Variants in XIAP observed in about 807,000 individuals in gnomAD.
XIAP encodes E3 ubiquitin-protein ligase XIAP.
XIAP carries 3 observed loss-of-function variants against 33.1 expected under a neutral mutation model. The observed-to-expected ratio is 0.09, with a 90% CI of 0.04 to 0.23. XIAP has a LOEUF of 0.23. Ranked by LOEUF, XIAP falls within the 10% of genes least tolerant of loss-of-function variation. XIAP has a pLI of 1.00. For synonymous variants in XIAP, 98 were observed against 121.3 expected (o/e 0.81, Z 1.26); for missense variants, 264 against 363.0 (o/e 0.73, Z 2.22).
At chrX:123,880,211 A>G (rs1347769904) in intron 1 of XIAP, among the ~76,000 whole-genome samples, 12 of 108,919 alleles carry the variant, frequency 1.1e-4, no homozygotes, top group Non-Finnish European at 2.1e-4. Context: ...TCAGGAGTTC[A>G]AGACCAGCCT....
intron 1 of XIAP, among the ~76,000 whole-genome samples, chrX:123,868,722 A>G (rs907824346): frequency 1.1e-4 from 12 of 111,455 alleles, no homozygotes; most frequent in Non-Finnish European, 1.9e-4. Context: ...ACAGAGCAAG[A>G]CCCTATCTCA....
chrX:123,887,807 A>T (rs1049708098), intron 2 of XIAP, among the ~76,000 whole-genome samples: 6 of 109,495 alleles, frequency 5.5e-5, no homozygotes, highest in Non-Finnish European at 1.1e-4. Context: ...AACATGGTGA[A>T]ACCCCGTCTC....
intron 5 of XIAP, among the ~76,000 whole-genome samples, chrX:123,893,875 C>A (rs886698731): frequency 8.9e-6 from 1 of 112,320 alleles, no homozygotes; most frequent in Admixed American, 9.5e-5. Context: ...ATCAGTCAGA[C>A]GTGTCTGTAT....
chrX:123,895,605 T>C (rs2053452057), intron 5 of XIAP, among the ~76,000 whole-genome samples: 1 of 112,033 alleles, frequency 8.9e-6, no homozygotes, highest in Admixed American at 9.6e-5. Flanking sequence ...ACATTCATTA[T>C]CTGTCTTATT....
rs376333137 is a variant in XIAP at position 123,911,959 on chromosome X, A to T, written c.*4778A>T. The T allele has an allele frequency of 1.0e-4, 34 of 326,881 alleles. No homozygotes were observed. Among genetic ancestry groups the T allele is most frequent in the African/African-American group, 7.2e-4 (27 of 37,410 alleles). The allele number at this position is 326,881 out of a possible 1,213,427, so 26.9% of individuals were successfully genotyped here. A position where few individuals can be genotyped will look rare whatever the true frequency, so the allele number is the denominator to read the frequency against. On this transcript the variant is annotated 3_prime_UTR_variant, in exon 7 of 7. Transcript: ENST00000371199. Reference sequence around the variant, plus strand: ...CAAAGGTGATGTAATTTGTGCAAAGATTATAGCTAATTAGTAGCAGAGCCC... The same window carrying T: ...CAAAGGTGATGTAATTTGTGCAAAGTTTATAGCTAATTAGTAGCAGAGCCC...
chrX:123,862,365 G>A lies in XIAP; in HGVS notation c.-33+2072G>A, dbSNP rs2053088721. Among the ~76,000 whole-genome samples, 4 of 105,791 alleles carry A rather than the reference G, an allele frequency of 3.8e-5. No homozygotes were observed. In the South Asian group the frequency reaches 1.3e-3, roughly 34 times the overall value. 91.9% of individuals were successfully genotyped at this position (105,791 alleles called of 115,157 possible). A position where few individuals can be genotyped will look rare whatever the true frequency, so the allele number is the denominator to read the frequency against. ...ATTAAAGGTATGAGCCACCTCGCCTGGCCAGTCCATTTTTTTTTTTTTTGA... is the reference window on the plus strand; with the variant it reads ...ATTAAAGGTATGAGCCACCTCGCCTAGCCAGTCCATTTTTTTTTTTTTTGA... On this transcript the variant is annotated intron_variant, in intron 1 of 6. Transcript: ENST00000371199.
intron 1 of XIAP, among the ~76,000 whole-genome samples, chrX:123,870,229 TG>T (rs1391770069): frequency 8.8e-6 from 1 of 113,005 alleles, no homozygotes; most frequent in African/African-American, 3.2e-5. Flanking sequence ...CCCAAAGTGC[TG>T]GGATTACAGG....
At position 123,890,166 on chromosome X, in the gene XIAP, G is replaced by A. The variant is rs760477261; in HGVS notation, c.978-1072G>A. On this transcript the variant is annotated intron_variant, in intron 3 of 6. Transcript: ENST00000371199. ...CGAGTAGCTGGGACTACAGGCGCCC[G>A]CTACCACGCCCGGCTAATTTTTTGT... 7.9e-5 allele frequency among the ~76,000 whole-genome samples: 8 copies of A among 101,280 alleles called. No individual in the cohort carries two copies. The East Asian group carries it at 2.6e-3, about 32-fold the overall frequency. The allele number at this position is 101,280 out of a possible 115,157, so 87.9% of individuals were successfully genotyped here. A position where few individuals can be genotyped will look rare whatever the true frequency, so the allele number is the denominator to read the frequency against.
chrX:123,901,022 A>T (rs1261580509), intron 6 of XIAP, among the ~76,000 whole-genome samples: 1 of 111,556 alleles, frequency 9.0e-6, no homozygotes, highest in African/African-American at 3.3e-5. Flanking sequence ...ATGGGACAAG[A>T]TGGAGCAAGT....
rs1200917454 is a variant in XIAP at position 123,862,605 on chromosome X, A to G, written c.-33+2312A>G. Among the ~76,000 whole-genome samples, 4 of 98,274 alleles carry G rather than the reference A, an allele frequency of 4.1e-5. No individual in the cohort carries two copies. In the East Asian group the frequency reaches 1.2e-3, roughly 30 times the overall value. The allele number at this position is 98,274 out of a possible 115,157, so 85.3% of individuals were successfully genotyped here. A position where few individuals can be genotyped will look rare whatever the true frequency, so the allele number is the denominator to read the frequency against. On this transcript the variant is annotated intron_variant, in intron 1 of 6. Coordinates refer to ENST00000371199, the MANE Select transcript of XIAP (RefSeq NM_001167.4). ...ACCTGACGCTGTGGCTCATGTCTGTAATCCCAGCACTTTGGGACGCCAAGG... is the reference window on the plus strand; with the variant it reads ...ACCTGACGCTGTGGCTCATGTCTGTGATCCCAGCACTTTGGGACGCCAAGG...
intron 1 of XIAP, among the ~76,000 whole-genome samples, chrX:123,866,107 AT>A (rs1257978300): frequency 3.7e-4 from 41 of 110,111 alleles, no homozygotes; most frequent in Non-Finnish European, 6.4e-4. Flanking sequence ...CAACTGGCTA[AT>A]TTTTGTATTT....
At chrX:123,877,126 C>T (rs1364005371) in intron 1 of XIAP, among the ~76,000 whole-genome samples, 2 of 107,668 alleles carry the variant, frequency 1.9e-5, no homozygotes, top group Non-Finnish European at 3.8e-5. Context: ...AGTACAGTGG[C>T]ATGATCTGGG....
chrX:123,869,656 T>C (rs974409929), intron 1 of XIAP, among the ~76,000 whole-genome samples: 1 of 111,913 alleles, frequency 8.9e-6, no homozygotes, highest in Admixed American at 9.6e-5. Context: ...GCTACCTCAT[T>C]GGACTGTCCC....
At chrX:123,877,199 G>A (rs948012663) in intron 1 of XIAP, among the ~76,000 whole-genome samples, 4 of 110,035 alleles carry the variant, frequency 3.6e-5, no homozygotes, top group African/African-American at 6.6e-5. Flanking sequence ...CTGAGTAACT[G>A]GGATTATAGG....
At chrX:123,902,942 GGGA>G (rs1047061660) in intron 6 of XIAP, among the ~76,000 whole-genome samples, 20 of 110,577 alleles carry the variant, frequency 1.8e-4, no homozygotes, top group African/African-American at 3.9e-4. Flanking sequence ...GGGCTTTGTG[GGGA>G]GGAGAAGGGG....
intron 5 of XIAP, among the ~76,000 whole-genome samples, chrX:123,899,225 A>G (rs1405459160): frequency 4.9e-5 from 2 of 40,560 alleles, no homozygotes; most frequent in African/African-American, 1.3e-4. Context: ...ATGATTTTGT[A>G]TATATATATG....
Position 123,912,427 on chromosome X carries a change from A to G in XIAP, c.*5246A>G, listed in dbSNP as rs1409391076. On this transcript the variant is annotated 3_prime_UTR_variant, in exon 7 of 7. Transcript: ENST00000371199. Reference sequence around the variant, plus strand: ...TTAAAGTCATCTGGACATGAATTAAAGTATATGATGCCAGCCTGGACAAAA... The same window carrying G: ...TTAAAGTCATCTGGACATGAATTAAGGTATATGATGCCAGCCTGGACAAAA... 4.3e-5 allele frequency: 14 copies of G among 325,825 alleles called. No individual in the cohort carries two copies. The highest frequency in any genetic ancestry group is 9.5e-4 in the Middle Eastern group (1 of 1,057). 26.9% of individuals were successfully genotyped at this position (325,825 alleles called of 1,213,427 possible).
At chrX:123,898,432 G>C in intron 5 of XIAP, among the ~76,000 whole-genome samples, 1 of 111,185 alleles carries the variant, frequency 9.0e-6, no homozygotes, top group Middle Eastern at 4.6e-3. Context: ...GCGCGATCTC[G>C]GCTCACCGCA....
intron 5 of XIAP, among the ~76,000 whole-genome samples, chrX:123,896,956 A>C (rs1033231801): frequency 2.3e-4 from 12 of 51,778 alleles, no homozygotes; most frequent in African/African-American, 9.7e-4. Context: ...TTTGAGACGG[A>C]GTTTTGCTCT....
Sources: allele counts gnomAD v4.1 joint callset (sites outside exome capture counted in the v4.1 genomes callset), GRCh38; gene constraint gnomAD v4.1.1; transcripts MANE v1.5; gene names NCBI Gene and HGNC (gene_info 2026-07-23, HGNC 2026-07-21).